XPA: variants seen among roughly 807,000 people sequenced by gnomAD.
XPA encodes the protein DNA repair protein complementing XP-A cells.
In XPA, 27 loss-of-function variants were observed where a neutral mutation model predicts 35.7. The observed-to-expected ratio is 0.76, with a 90% CI of 0.56 to 1.04. The LOEUF (loss-of-function observed/expected upper bound fraction) is 1.04, where lower values mean the gene tolerates loss of function less well. Among genes scored for constraint, XPA ranks in the 50% least tolerant of loss-of-function variants. The probability of loss-of-function intolerance (pLI) is 0.00; values close to 1 mark genes in which losing one functional copy is unlikely to be tolerated. For missense variants in XPA, 354 were observed against 342.7 expected (o/e 1.03, Z -0.26); for synonymous variants, 133 against 118.4 (o/e 1.12, Z -0.80).
intron 5 of XPA, among the ~76,000 whole-genome samples, chr9:97,681,383 G>A (rs1316089035): frequency 6.6e-6 from 1 of 152,128 alleles, no homozygotes; most frequent in Non-Finnish European, 1.5e-5. Flanking sequence ...CAGAGTAACA[G>A]AGAACTGAGT....
At chr9:97,654,609 A>G in the XPA span, among the ~76,000 whole-genome samples, 1 of 152,100 alleles carries the variant, frequency 6.6e-6, no homozygotes, top group Non-Finnish European at 1.5e-5. Flanking sequence ...CAATGAAACA[A>G]TGTATGCCTG....
chr9:97,679,431 C>G (rs3176726), intron 5 of XPA, among the ~76,000 whole-genome samples: 17,958 of 151,994 alleles, frequency 0.12, 3,015 homozygotes, highest in African/African-American at 0.37. Context: ...ACAGGAGCTA[C>G]CTTGAAGGGG....
At chr9:97,680,018 A>G (rs1828488099) in intron 5 of XPA, among the ~76,000 whole-genome samples, 1 of 152,218 alleles carries the variant, frequency 6.6e-6, no homozygotes, top group South Asian at 2.1e-4. Flanking sequence ...AAAGACAAAA[A>G]AGGCTGAGGG....
In XPA at chr9:97,686,662, C is replaced by T. The variant is rs575774429; in HGVS notation, c.555+434G>A. ...CAAAATGAGGCCAGGCGTGGCGGCTCATGCCTGTAATCCCAGCACTTTGCG... is the reference window on the plus strand; with the variant it reads ...CAAAATGAGGCCAGGCGTGGCGGCTTATGCCTGTAATCCCAGCACTTTGCG... On this transcript the variant is annotated intron_variant, in intron 4 of 5. Transcript: ENST00000375128. 4.1e-4 allele frequency among the ~76,000 whole-genome samples: 62 copies of T among 152,202 alleles called. No individual in the cohort carries two copies. In the South Asian group the frequency reaches 9.3e-3, roughly 23 times the overall value.
Position 97,674,995 on chromosome 9 carries a change from G to A in XPA, c.*444C>T. On this transcript the variant is annotated 3_prime_UTR_variant, in exon 6 of 6. Transcript: ENST00000375128. ...CACTGTTTCCACCATCGTGGAGACA[G>A]AAATCGTCCTAAAAAACACATGACT... 1 of 526,006 alleles carries A rather than the reference G, an allele frequency of 1.9e-6. No homozygotes were observed. 32.6% of individuals were successfully genotyped at this position (526,006 alleles called of 1,614,324 possible). A position where few individuals can be genotyped will look rare whatever the true frequency, so the allele number is the denominator to read the frequency against.
At chr9:97,662,009 C>A in the XPA span, 9 of 1,517,092 alleles carry the variant, frequency 5.9e-6, no homozygotes, top group Non-Finnish European at 5.5e-6. Flanking sequence ...GCTGTGCTTA[C>A]ATTTTTCTGT....
At position 97,687,084 on chromosome 9, in the gene XPA, C is replaced by CT; in HGVS notation, c.555+11dup. The stretch of plus-strand genomic sequence containing the variant: ...CCAGAGTGAAAAATAATAAATACAA[C>CT]TTATTAGAGACCTGTAACTTTAAGT... On this transcript the variant is annotated intron_variant, in intron 4 of 5. Coordinates refer to ENST00000375128, the MANE Select transcript of XPA (RefSeq NM_000380.4). 6.2e-7 allele frequency: 1 copy of CT among 1,603,508 alleles called. No homozygotes were observed. The highest frequency in any genetic ancestry group is 8.5e-7 in the Non-Finnish European group (1 of 1,176,418).
At chr9:97,676,257 C>CA in intron 5 of XPA, among the ~76,000 whole-genome samples, 1 of 152,286 alleles carries the variant, frequency 6.6e-6, no homozygotes, top group South Asian at 2.1e-4. Flanking sequence ...GGAAACTGAG[C>CA]AAAGATAGTT....
downstream of XPA, chr9:97,671,225 T>G (rs1828183855): frequency 1.4e-6 from 2 of 1,428,344 alleles, no homozygotes; most frequent in Admixed American, 1.9e-5. Context: ...CATGTCAAGG[T>G]TTTTTTTGAT....
chr9:97,660,013 C>T, the XPA span, among the ~76,000 whole-genome samples: 5 of 152,172 alleles, frequency 3.3e-5, no homozygotes, highest in Non-Finnish European at 5.9e-5. Context: ...GATTCTAGCC[C>T]AAGCTCAATA....
Position 97,689,642 on chromosome 9 carries a change from A to T in XPA, c.284-3T>A. On this transcript the variant is annotated splice_region_variant and splice_polypyrimidine_tract_variant and intron_variant, in intron 2 of 5. Transcript: ENST00000375128. The stretch of plus-strand genomic sequence containing the variant: ...ATAATCAAATTCCATAACAGGTCCT[A>T]AGAAAAGGAAAATGAACTCTAGTTT... 1.9e-6 allele frequency: 3 copies of T among 1,570,714 alleles called. No individual in the cohort carries two copies. In the South Asian group the frequency reaches 3.3e-5, roughly 18 times the overall value.
intron 2 of XPA, among the ~76,000 whole-genome samples, chr9:97,691,435 C>T (rs1828884269): frequency 6.6e-6 from 1 of 152,060 alleles, no homozygotes; most frequent in Non-Finnish European, 1.5e-5. Flanking sequence ...GGCACAGTGG[C>T]TCACACCTAT....
Position 97,687,109 on chromosome 9 carries a change from T to G in XPA, c.542A>C (p.Tyr181Ser). The G allele has an allele frequency of 6.2e-7, 1 of 1,610,634 alleles. No individual in the cohort carries two copies. Residue 181 changes from tyrosine to serine, a missense_variant, in exon 4 of 6, where the codon TAC becomes TCC. Transcript: ENST00000375128. The part of the protein sequence containing the change: ...HHSQWGDMKL[Y>S]LKLQIVKRSL... ...CTTATTAGAGACCTGTAACTTTAAG[T>G]AGAGTTTCATATCACCCCATTGTGA...
chr9:97,661,430 T>A, the XPA span, among the ~76,000 whole-genome samples: 1 of 152,198 alleles, frequency 6.6e-6, no homozygotes, highest in African/African-American at 2.4e-5. Flanking sequence ...TGTTTAACAT[T>A]TACTCAGTTA....
chr9:97,673,820 GAGC>G (rs937323700), downstream of XPA: 22 of 152,328 alleles, frequency 1.4e-4, no homozygotes, highest in African/African-American at 3.8e-4. Flanking sequence ...AACCTATGTA[GAGC>G]AGGTTTAGCT....
intron 1 of XPA, among the ~76,000 whole-genome samples, chr9:97,695,725 G>GA (rs1829023300): frequency 1.3e-5 from 2 of 152,042 alleles, no homozygotes; most frequent in African/African-American, 4.8e-5. Context: ...GGCACACAGA[G>GA]AAAAAGAAAA....
chr9:97,661,215 T>A, the XPA span: 12 of 845,926 alleles, frequency 1.4e-5, no homozygotes, highest in East Asian at 3.6e-4. Flanking sequence ...CCCCAGGTAT[T>A]TTCCCCTTAT....
rs150565070 is a variant in XPA, at chr9:97,695,900, C to T, written c.172+1221G>A. 8.1e-4 allele frequency among the ~76,000 whole-genome samples: 124 copies of T among 152,268 alleles called. 1 individual carries two copies. Among genetic ancestry groups the T allele is most frequent in the African/African-American group, 2.9e-3 (119 of 41,558 alleles). ...TTCATTCTACCTTGCTTTCCATGAT[C>T]AAAAGTTTAATTTAATGTCAGTTTT... is the stretch of plus-strand genomic sequence containing the variant. On this transcript the variant is annotated intron_variant, in intron 1 of 5. Coordinates refer to ENST00000375128, the MANE Select transcript of XPA (RefSeq NM_000380.4).
chr9:97,655,593 T>C, the XPA span: 1 of 787,298 alleles, frequency 1.3e-6, no homozygotes, highest in Non-Finnish European at 2.0e-6. Flanking sequence ...ATGCTTTTCA[T>C]TAACTCTGTA....
Sources: allele counts gnomAD v4.1 joint callset (sites outside exome capture counted in the v4.1 genomes callset), GRCh38; gene constraint gnomAD v4.1.1; transcripts MANE v1.5; gene names NCBI Gene and HGNC (gene_info 2026-07-23, HGNC 2026-07-21).